Variants in ADAMTSL2 observed in about 807,000 individuals in gnomAD.
ADAMTSL2 encodes ADAMTS like 2.
ADAMTSL2 carries 55 observed loss-of-function variants against 117.0 expected under a neutral mutation model. The observed-to-expected ratio is 0.47, with a 90% CI of 0.38 to 0.59. The LOEUF is 0.59. Among genes scored for constraint, ADAMTSL2 ranks in the 20% least tolerant of loss-of-function variants. ADAMTSL2 has a pLI of 0.00. For missense variants in ADAMTSL2, 1,182 were observed against 1,354.5 expected (o/e 0.87, Z 2.00); for synonymous variants, 572 against 566.4 (o/e 1.01, Z -0.14).
Position 133,537,551 on chromosome 9 carries a change from C to T in ADAMTSL2, c.233+4C>T, listed in dbSNP as rs765252396. The T allele has an allele frequency of 4.5e-6, 6 of 1,341,908 alleles. No homozygotes were observed. The highest frequency in any genetic ancestry group is 5.8e-6 in the Non-Finnish European group (6 of 1,037,444). The allele number at this position is 1,341,908 out of a possible 1,614,324, so 83.1% of individuals were successfully genotyped here. The stretch of plus-strand genomic sequence containing the variant: ...AGCGGCACTGCCTGCAGCAGAGGTG[C>T]GAGGTTGGGCACGTGGCCCTGAGGG... On this transcript the variant is annotated splice_donor_region_variant and intron_variant, in intron 3 of 18. Transcript: ENST00000651351.
chr9:133,566,282 A>C (rs1050682985), intron 12 of ADAMTSL2, among the ~76,000 whole-genome samples: 1 of 152,194 alleles, frequency 6.6e-6, no homozygotes, highest in Non-Finnish European at 1.5e-5. Context: ...TTTCCATAAA[A>C]ATACAAAAAT....
Position 133,569,397 on chromosome 9 carries a change from C to G in ADAMTSL2, c.2245-11C>G, listed in dbSNP as rs1441990492. 4 of 1,612,722 alleles carry G rather than the reference C, an allele frequency of 2.5e-6. No individual in the cohort carries two copies. In the African/African-American group the frequency reaches 5.3e-5, roughly 22 times the overall value. ...TCACTGGATGTCCCCTGCCTGTCCT[C>G]TCCCCTGCAGTGCAGTGGAAGCTGC... On this transcript the variant is annotated splice_polypyrimidine_tract_variant and intron_variant, in intron 15 of 18. Coordinates refer to ENST00000651351, the MANE Select transcript of ADAMTSL2 (RefSeq NM_014694.4).
intron 17 of ADAMTSL2, among the ~76,000 whole-genome samples, chr9:133,571,014 C>G (rs986364893): frequency 1.4e-4 from 22 of 152,152 alleles, no homozygotes; most frequent in Non-Finnish European, 3.1e-4. Flanking sequence ...CGGGTCTGGC[C>G]CCTCCGAGAT....
At position 133,558,141 on chromosome 9, in the gene ADAMTSL2, G is replaced by A. The variant is rs909413317; in HGVS notation, c.1649+2211G>A. 6.6e-6 allele frequency among the ~76,000 whole-genome samples: 1 copy of A among 152,150 alleles called. No individual in the cohort carries two copies. Among genetic ancestry groups the A allele is most frequent in the African/African-American group, 2.4e-5 (1 of 41,430 alleles). ...GCCCCAGGATATATTGAATTTCCAG[G>A]GCCTGTCAGGGGCCTCAAGGGTCGA... On this transcript the variant is annotated intron_variant, in intron 11 of 18. Coordinates refer to ENST00000651351, the MANE Select transcript of ADAMTSL2 (RefSeq NM_014694.4). The surrounding 1 kb of genome is among the most constrained non-coding windows in gnomAD (Gnocchi z 4.3).
At chr9:133,540,797 C>T (rs1830202631) in intron 6 of ADAMTSL2, 54 bp downstream of exon 6, 2 of 1,613,326 alleles carry the variant, frequency 1.2e-6, no homozygotes, top group Admixed American at 1.7e-5. Flanking sequence ...TGACTGCCCG[C>T]CCGCCTGTGG....
In ADAMTSL2 at chr9:133,547,153, T is replaced by C. The variant is rs1830369801; in HGVS notation, c.879T>C (p.Tyr293=). 2 of 1,613,982 alleles carry C rather than the reference T, an allele frequency of 1.2e-6. No individual in the cohort carries two copies. The highest frequency in any genetic ancestry group is 1.1e-5 in the South Asian group (1 of 91,086). Residue 293 remains tyrosine (Y), a synonymous_variant, in exon 9 of 19, where the codon TAT becomes TAC. Coordinates refer to ENST00000651351, the MANE Select transcript of ADAMTSL2 (RefSeq NM_014694.4). ...AGTACAGGCGGCCCATGGATGTCTA[T>C]GAGACCGGAATCGAGTACATCGTGG... ...VVKYRRPMDV[Y]ETGIEYIVAQ...
chr9:133,542,100 G>A (rs989187490), intron 7 of ADAMTSL2, among the ~76,000 whole-genome samples: 2 of 152,186 alleles, frequency 1.3e-5, no homozygotes, highest in Non-Finnish European at 2.9e-5. Flanking sequence ...GGACCCGACC[G>A]TGTCTTGAAG....
chr9:133,568,308 C>T lies in ADAMTSL2; in HGVS notation c.1910C>T (p.Thr637Ile), dbSNP rs1329342725. Reference sequence around the variant, plus strand: ...AGCAGCTGGAGCGAGTGTTCGCGCACCTGCGGAGAGGGCTACCAGTTCCGC... The same window carrying T: ...AGCAGCTGGAGCGAGTGTTCGCGCATCTGCGGAGAGGGCTACCAGTTCCGC... ...ETSSWSECSRTCGEGYQFRVV... is the reference protein window; with the variant it reads ...ETSSWSECSRICGEGYQFRVV... Residue 637 changes from threonine to isoleucine, a missense_variant, in exon 14 of 19, where the codon ACC (threonine) becomes ATC (isoleucine). Around this residue, in one of 3 missense-constraint regions of ADAMTSL2, gnomAD observed 465 missense variants for 565.3 expected, o/e 0.82. Coordinates refer to ENST00000651351, the MANE Select transcript of ADAMTSL2 (RefSeq NM_014694.4). 1.9e-6 allele frequency: 3 copies of T among 1,578,270 alleles called. No homozygotes were observed. The highest frequency in any genetic ancestry group is 2.6e-6 in the Non-Finnish European group (3 of 1,163,080).
intron 17 of ADAMTSL2, among the ~76,000 whole-genome samples, chr9:133,573,298 G>A (rs2131191125): frequency 6.6e-6 from 1 of 152,318 alleles, no homozygotes; most frequent in South Asian, 2.1e-4. Flanking sequence ...GCTCAGCGGG[G>A]TTTTCCAAGG....
intron 9 of ADAMTSL2, among the ~76,000 whole-genome samples, chr9:133,550,884 C>G (rs1344118061): frequency 6.6e-6 from 1 of 152,162 alleles, no homozygotes; most frequent in Non-Finnish European, 1.5e-5. Flanking sequence ...TTTAGTGCCT[C>G]TCGCATGGTG....
intron 2 of ADAMTSL2, 94 bp downstream of exon 2, chr9:133,536,896 G>T: frequency 6.3e-7 from 1 of 1,579,884 alleles, no homozygotes; most frequent in South Asian, 1.1e-5. Context: ...GGAGCCGTGT[G>T]GGCACGTGCC....
chr9:133,545,278 G>T (rs568718456), intron 8 of ADAMTSL2, among the ~76,000 whole-genome samples: 1 of 152,282 alleles, frequency 6.6e-6, no homozygotes, highest in Non-Finnish European at 1.5e-5. Flanking sequence ...GCGGGCTTGG[G>T]TATAGGGACG....
In ADAMTSL2 at chr9:133,568,474, G is replaced by A. The variant is rs1409021497; in HGVS notation, c.2076G>A (p.Ser692=). ...NPACGPQWEM[S]EWSECTAKCG... ...CCTGCGGGCCCCAGTGGGAGATGTCGGAGTGGTCCGAGGTGAGTGCCTGCG... is the reference window on the plus strand; with the variant it reads ...CCTGCGGGCCCCAGTGGGAGATGTCAGAGTGGTCCGAGGTGAGTGCCTGCG... The change falls in exon 14 of 19, where the codon TCG becomes TCA. Residue 692 remains serine, a synonymous_variant. Transcript: ENST00000651351. 18 of 1,603,976 alleles carry A rather than the reference G, an allele frequency of 1.1e-5. No homozygotes were observed. Among genetic ancestry groups the A allele is most frequent in the African/African-American group, 6.7e-5 (5 of 74,970 alleles).
rs2131141932 is a variant in ADAMTSL2, at chr9:133,555,816, G to A, written c.1535G>A (p.Gly512Glu). ...NEGAGPYLLN[G>E]SYLELSSDRV... ...GGGGCTGGCCCTTACCTGCTCAACG[G>A]GTCCTACCTGGAGCTGAGCAGCGAC... The change falls in exon 11 of 19, where the codon GGG becomes GAG. Residue 512 changes from glycine (G) to glutamate (E), a missense_variant. Transcript: ENST00000651351. The A allele has an allele frequency of 6.2e-7, 1 of 1,613,814 alleles. No homozygotes were observed. The highest frequency in any genetic ancestry group is 1.3e-5 in the African/African-American group (1 of 75,076).
Position 133,540,659 on chromosome 9 carries a change from G to C in ADAMTSL2, c.474G>C (p.Gln158His). The C allele has an allele frequency of 6.2e-7, 1 of 1,613,776 alleles. No homozygotes were observed. Among genetic ancestry groups the C allele is most frequent in the South Asian group, 1.1e-5 (1 of 91,086 alleles). ...TGCACTGTACCACCGTGGACGGCCA[G>C]CGGCAGCTCATGGTCCCCGCCCGCG... is the stretch of plus-strand genomic sequence containing the variant. ...CDLHCTTVDG[Q>H]RQLMVPARDG... Residue 158 changes from glutamine (Q) to histidine (H), a missense_variant, in exon 6 of 19, where the codon CAG (glutamine) becomes CAC (histidine). This residue lies in a region of ADAMTSL2 where 372 missense variants were observed against 463.4 expected (regional missense o/e 0.80). Transcript: ENST00000651351.
At chr9:133,573,757 G>T in intron 17 of ADAMTSL2, 86 bp from the exon 18 acceptor site, 1 of 1,558,954 alleles carries the variant, frequency 6.4e-7, no homozygotes, top group Non-Finnish European at 8.8e-7. Flanking sequence ...GGTGGGGAAG[G>T]GGGAGTGTGC....
rs1830164572 is a variant in ADAMTSL2 at position 133,539,794 on chromosome 9, C to A, written c.333C>A (p.Ser111Arg). 6.5e-7 allele frequency: 1 copy of A among 1,550,084 alleles called. No homozygotes were observed. Among genetic ancestry groups the A allele is most frequent in the Non-Finnish European group, 8.7e-7 (1 of 1,146,654 alleles). The change falls in exon 5 of 19, where the codon AGC becomes AGA. Residue 111 changes from serine (S) to arginine (R), a missense_variant. Coordinates refer to ENST00000651351, the MANE Select transcript of ADAMTSL2 (RefSeq NM_014694.4). ...RVQECPPDGR[S>R]FREEQCVSFN... Reference sequence around the variant, plus strand: ...AGGAGTGTCCGCCGGACGGGAGGAGCTTCCGCGAGGAGCAGTGCGTCTCCT... The same window carrying A: ...AGGAGTGTCCGCCGGACGGGAGGAGATTCCGCGAGGAGCAGTGCGTCTCCT...
In ADAMTSL2 at chr9:133,549,326, G is replaced by A. The variant is rs922581357; in HGVS notation, c.939+2113G>A. ...GCCCACAGTTTCCTTCTTCTGCGAC[G>A]CCCTCTATTTCCCCTTAGCCTGGCT... On this transcript the variant is annotated intron_variant, in intron 9 of 18. Coordinates refer to ENST00000651351, the MANE Select transcript of ADAMTSL2 (RefSeq NM_014694.4). Among the ~76,000 whole-genome samples the A allele has an allele frequency of 6.3e-4, 95 of 151,984 alleles. 1 individual carries two copies. The highest frequency in any genetic ancestry group is 1.5e-4 in the Non-Finnish European group (10 of 68,010).
At chr9:133,561,086 T>G (rs1830716378) in intron 11 of ADAMTSL2, 112 bp from the exon 12 acceptor site, 18 of 873,382 alleles carry the variant, frequency 2.1e-5, no homozygotes, top group Non-Finnish European at 3.4e-5. Context: ...AGGACAGGTG[T>G]GTGCTTCAGG....
Sources: gnomAD v4.1 joint callset for allele counts (sites outside exome capture counted in the v4.1 genomes callset) on GRCh38, gnomAD v4.1.1 for gene constraint, gnomAD v4.1.1 regional missense constraint, Gnocchi (gnomAD v3.1) non-coding constraint, MANE v1.5 for transcripts, NCBI Gene and HGNC (gene_info 2026-07-23, HGNC 2026-07-21) for gene names.